The following MCU variants were observed in gnomAD, a reference collection of about 807,000 sequenced individuals.
MCU encodes calcium uniporter protein, mitochondrial.
A neutral mutation model predicts 45.2 loss-of-function variants in MCU; 12 were observed. The ratio of observed to expected loss-of-function variants is 0.27; its 90% CI spans 0.17 to 0.43. The LOEUF (loss-of-function observed/expected upper bound fraction) is 0.43, where lower values mean the gene tolerates loss of function less well. Among genes scored for constraint, MCU ranks in the 20% least tolerant of loss-of-function variants. MCU has a pLI of 1.00. For synonymous variants in MCU, 160 were observed against 165.1 expected, an observed-to-expected ratio of 0.97 and a Z score of 0.24; for missense variants, 324 against 436.7, an observed-to-expected ratio of 0.74 and a Z score of 2.30.
chr10:72,768,148 A>C (rs1452397841), intron 1 of MCU, among the ~76,000 whole-genome samples: 1 of 152,136 alleles, frequency 6.6e-6, no homozygotes, highest in Admixed American at 6.6e-5. Flanking sequence ...AGACTTTTTT[A>C]AAAAAAGAAG....
chr10:72,872,358 A>G (rs1441536684), intron 6 of MCU, among the ~76,000 whole-genome samples: 3 of 151,984 alleles, frequency 2.0e-5, no homozygotes. Flanking sequence ...CCTCCTATCT[A>G]ACTGTAATTT....
Position 72,859,191 on chromosome 10 carries a change from T to A in MCU, c.235T>A (p.Tyr79Asn), listed in dbSNP as rs1220169389. Residue 79 changes from tyrosine to asparagine, a missense_variant, in exon 3 of 8, where the codon TAT becomes AAT. This residue lies in a region of MCU where 111 missense variants were observed against 112.3 expected (regional missense o/e 0.99). Transcript: ENST00000373053. ...TTTTCATTCAGATGTTACAGTGGTT[T>A]ATCAAAATGGGTTACCTGTGATATC... is the stretch of plus-strand genomic sequence containing the variant. ...VVPSDDVTVV[Y>N]QNGLPVISVR... 1 of 1,596,676 alleles carries A rather than the reference T, an allele frequency of 6.3e-7. No homozygotes were observed. Among genetic ancestry groups the A allele is most frequent in the Non-Finnish European group, 8.5e-7 (1 of 1,172,390 alleles).
chr10:72,693,252 A>G (rs1197522201), intron 1 of MCU, among the ~76,000 whole-genome samples: 2 of 151,978 alleles, frequency 1.3e-5, no homozygotes, highest in African/African-American at 4.8e-5. Flanking sequence ...ATTGCAAGAG[A>G]TGAATTTGGC....
intron 1 of MCU, among the ~76,000 whole-genome samples, chr10:72,710,689 T>C (rs1177817090): frequency 2.0e-5 from 3 of 151,578 alleles, no homozygotes; most frequent in African/African-American, 7.3e-5. Flanking sequence ...AGTAGAATAA[T>C]ATAATATACA....
chr10:72,868,423 A>G (rs1055071739), intron 4 of MCU, among the ~76,000 whole-genome samples: 5 of 151,976 alleles, frequency 3.3e-5, no homozygotes, highest in African/African-American at 1.2e-4. Context: ...TGGCCGGTGC[A>G]CACCTGTAGT....
chr10:72,784,251 G>T, intron 1 of MCU, among the ~76,000 whole-genome samples: 1 of 152,140 alleles, frequency 6.6e-6, no homozygotes, highest in East Asian at 1.9e-4. Context: ...TCACTAAAAG[G>T]GAAGTACAAA....
chr10:72,763,200 C>T (rs984820870), intron 1 of MCU, among the ~76,000 whole-genome samples: 1 of 152,170 alleles, frequency 6.6e-6, no homozygotes, highest in South Asian at 2.1e-4. Context: ...TCCTTAGCCA[C>T]ATCTGTAAAG....
chr10:72,747,753 T>G (rs899232195), intron 1 of MCU, among the ~76,000 whole-genome samples: 1 of 152,090 alleles, frequency 6.6e-6, no homozygotes, highest in Non-Finnish European at 1.5e-5. Flanking sequence ...GGAGGATCAC[T>G]TGAGCCTGGG....
At chr10:72,811,758 A>C (rs1844546705) in intron 1 of MCU, among the ~76,000 whole-genome samples, 1 of 152,234 alleles carries the variant, frequency 6.6e-6, no homozygotes, top group Non-Finnish European at 1.5e-5. Context: ...AATAAATTTC[A>C]TGTTAACTAA....
At chr10:72,856,711 G>A (rs886642044) in intron 2 of MCU, among the ~76,000 whole-genome samples, 3 of 148,478 alleles carry the variant, frequency 2.0e-5, no homozygotes, top group Non-Finnish European at 4.4e-5. Context: ...AAGGTGGGTC[G>A]CTGCTCAAGC....
chr10:72,782,219 G>A (rs1201558260), intron 1 of MCU, among the ~76,000 whole-genome samples: 2 of 152,158 alleles, frequency 1.3e-5, no homozygotes, highest in Admixed American at 6.5e-5. Flanking sequence ...GAGTTAGAGC[G>A]ATACTTAAGC....
At chr10:72,744,883 G>T (rs974966373) in intron 1 of MCU, among the ~76,000 whole-genome samples, 1 of 152,112 alleles carries the variant, frequency 6.6e-6, no homozygotes, top group East Asian at 1.9e-4. Context: ...CACCAGTTGA[G>T]ATTTAATTTT....
At chr10:72,852,958 A>G (rs1845229930) in intron 2 of MCU, among the ~76,000 whole-genome samples, 1 of 152,206 alleles carries the variant, frequency 6.6e-6, no homozygotes, top group East Asian at 1.9e-4. Context: ...GAAGAACCAT[A>G]TCTTAGAAGT....
At chr10:72,776,661 A>G (rs956297727) in intron 1 of MCU, among the ~76,000 whole-genome samples, 1 of 152,204 alleles carries the variant, frequency 6.6e-6, no homozygotes, top group Non-Finnish European at 1.5e-5. Flanking sequence ...GTGGAAGAAG[A>G]TAAGAATGGC....
intron 1 of MCU, among the ~76,000 whole-genome samples, chr10:72,829,613 TAA>T (rs35278093): frequency 1.5e-4 from 21 of 142,934 alleles, no homozygotes; most frequent in Non-Finnish European, 2.7e-4. Context: ...AAGTAAAGGG[TAA>T]AAAAAAAAAA....
chr10:72,859,215 T>G lies in MCU; in HGVS notation c.259T>G (p.Ser87Ala), dbSNP rs767464150. The change falls in exon 3 of 8, where the codon TCT becomes GCT. Residue 87 changes from serine (S) to alanine (A), a missense_variant. This residue lies in a region of MCU where 135 missense variants were observed against 207.3 expected (regional missense o/e 0.65). Coordinates refer to ENST00000373053, the MANE Select transcript of MCU (RefSeq NM_138357.3). ...VVYQNGLPVI[S>A]VRLPSRRERC... ...TTATCAAAATGGGTTACCTGTGATA[T>G]CTGTGAGGCTACCATCCCGGCGTGA... The G allele has an allele frequency of 1.2e-6, 2 of 1,611,362 alleles. No homozygotes were observed. The highest frequency in any genetic ancestry group is 1.7e-6 in the Non-Finnish European group (2 of 1,178,874).
chr10:72,733,586 T>C (rs1843209110), intron 1 of MCU, among the ~76,000 whole-genome samples: 1 of 152,076 alleles, frequency 6.6e-6, no homozygotes, highest in Admixed American at 6.6e-5. Context: ...GTAAGGTTGT[T>C]GTGAATATAA....
intron 1 of MCU, among the ~76,000 whole-genome samples, chr10:72,704,913 G>T (rs1842801451): frequency 6.6e-6 from 1 of 151,924 alleles, no homozygotes; most frequent in Admixed American, 6.6e-5. Flanking sequence ...TGGAGATAGG[G>T]TTTCACCATG....
At chr10:72,767,268 C>T (rs906632899) in intron 1 of MCU, among the ~76,000 whole-genome samples, 18 of 151,958 alleles carry the variant, frequency 1.2e-4, no homozygotes, top group Non-Finnish European at 2.4e-4. Context: ...TCATGATCTT[C>T]TCGTTTCTGA....
Sources: allele counts gnomAD v4.1 joint callset (sites outside exome capture counted in the v4.1 genomes callset), GRCh38; gene constraint gnomAD v4.1.1; regional missense constraint gnomAD v4.1.1; transcripts MANE v1.5; gene names NCBI Gene and HGNC (gene_info 2026-07-23, HGNC 2026-07-21).